Variants in FAT3 observed in about 807,000 individuals in gnomAD.
The protein encoded by FAT3 is FAT atypical cadherin 3, also known as protocadherin Fat 3.
FAT3 carries 95 observed loss-of-function variants against 310.2 expected under a neutral mutation model. That is an observed-to-expected ratio of 0.31 (90% CI 0.26 to 0.36). The LOEUF (loss-of-function observed/expected upper bound fraction) is 0.36, where lower values mean the gene tolerates loss of function less well. Among genes scored for constraint, FAT3 ranks in the 10% least tolerant of loss-of-function variants. The pLI is 1.00. For synonymous variants in FAT3, 2,314 were observed against 2,192.9 expected (o/e 1.06, Z -1.54); for missense variants, 5,408 against 5,715.6 (o/e 0.95, Z 1.74).
At chr11:92,290,412 C>G (rs935394933) in intron 1 of FAT3, among the ~76,000 whole-genome samples, 2 of 152,128 alleles carry the variant, frequency 1.3e-5, no homozygotes, top group Non-Finnish European at 2.9e-5. Context: ...TGCTTTCCAG[C>G]ACAATCTGCT....
At chr11:92,694,932 A>C (rs1316515848) in intron 3 of FAT3, among the ~76,000 whole-genome samples, 1 of 152,162 alleles carries the variant, frequency 6.6e-6, no homozygotes, top group Non-Finnish European at 1.5e-5. Flanking sequence ...TGTCCAATAG[A>C]ATGGCCCAAA....
intron 2 of FAT3, among the ~76,000 whole-genome samples, chr11:92,450,522 G>T (rs1476381052): frequency 1.3e-5 from 2 of 152,150 alleles, no homozygotes; most frequent in South Asian, 4.1e-4. Context: ...TTCCTACAAG[G>T]CCTTGGTTCC....
intron 3 of FAT3, among the ~76,000 whole-genome samples, chr11:92,613,269 T>G (rs1333677901): frequency 2.0e-5 from 3 of 152,210 alleles, no homozygotes; most frequent in Admixed American, 1.3e-4. Flanking sequence ...TTCCAGCCTC[T>G]TGCTTCTCCT....
chr11:92,876,416 A>G (rs1949536654), intron 22 of FAT3, among the ~76,000 whole-genome samples: 1 of 152,202 alleles, frequency 6.6e-6, no homozygotes, highest in Non-Finnish European at 1.5e-5. Flanking sequence ...CCCCAAGTCA[A>G]CATAACTTCA....
At chr11:92,663,178 G>A (rs1942843976) in intron 3 of FAT3, among the ~76,000 whole-genome samples, 1 of 152,190 alleles carries the variant, frequency 6.6e-6, no homozygotes, top group African/African-American at 2.4e-5. Flanking sequence ...TTCAGCACCT[G>A]GAGTGAGTCT....
intron 19 of FAT3, among the ~76,000 whole-genome samples, chr11:92,847,542 T>G (rs1395318045): frequency 6.6e-6 from 1 of 152,176 alleles, no homozygotes; most frequent in Non-Finnish European, 1.5e-5. Context: ...CACAATACAA[T>G]CCCAGTAAGG....
rs1231303065 is a variant in FAT3 at position 92,896,329 on chromosome 11, A to AG, written c.*5216_*5217insG. 6.6e-6 allele frequency: 1 copy of AG among 151,896 alleles called. No homozygotes were observed. The highest frequency in any genetic ancestry group is 1.9e-4 in the East Asian group (1 of 5,202). The allele number at this position is 151,896 out of a possible 1,614,324, so 9.4% of individuals were successfully genotyped here. The stretch of plus-strand genomic sequence containing the variant: ...CTAAAAAAAAAGAAAAGAAAAGAAA[A>AG]AAAAAACAAAAGCAAACAAAAAAAA... On this transcript the variant is annotated 3_prime_UTR_variant, in exon 28 of 28. Transcript: ENST00000525166.
At chr11:92,271,643 A>G (rs1946125173) in intron 1 of FAT3, among the ~76,000 whole-genome samples, 1 of 152,134 alleles carries the variant, frequency 6.6e-6, no homozygotes, top group Admixed American at 6.6e-5. Flanking sequence ...TTGTTGCAAT[A>G]AATACTGATT....
chr11:92,430,744 A>G (rs1950747956), intron 2 of FAT3, among the ~76,000 whole-genome samples: 1 of 137,446 alleles, frequency 7.3e-6, no homozygotes, highest in African/African-American at 2.5e-5. Flanking sequence ...CCCACCTATG[A>G]GTGAGAACAT....
chr11:92,741,825 C>A (rs1375801979), intron 4 of FAT3, among the ~76,000 whole-genome samples: 1 of 152,142 alleles, frequency 6.6e-6, no homozygotes, highest in Non-Finnish European at 1.5e-5. Context: ...TACAAGAGTA[C>A]ACAGGGTTTT....
chr11:92,424,449 CT>C (rs1207127700), intron 2 of FAT3, among the ~76,000 whole-genome samples: 1 of 152,072 alleles, frequency 6.6e-6, no homozygotes, highest in Non-Finnish European at 1.5e-5. Context: ...TTTATAATTA[CT>C]CAACAACTTG....
Position 92,649,871 on chromosome 11 carries a change from GTTCATATATATATATATA to G in FAT3, c.3608-47511_3608-47494del, listed in dbSNP as rs1437391027. On this transcript the variant is annotated intron_variant, in intron 3 of 27. Transcript: ENST00000525166. ...CATTTGTTAAACACCCACTTTGTAT[GTTCATATATATATATATA>G]TATATATATATATATATATATATAT... 6.9e-4 allele frequency among the ~76,000 whole-genome samples: 79 copies of G among 114,094 alleles called. 1 individual carries two copies. The highest frequency in any genetic ancestry group is 2.4e-3 in the African/African-American group (73 of 29,814). The allele number at this position is 114,094 out of a possible 152,430, so 74.9% of individuals were successfully genotyped here.
chr11:92,852,200 G>A (rs1283080171), intron 19 of FAT3, among the ~76,000 whole-genome samples: 1 of 152,158 alleles, frequency 6.6e-6, no homozygotes, highest in Non-Finnish European at 1.5e-5. Flanking sequence ...TTTCATAAAG[G>A]ACTTAATTTT....
chr11:92,605,879 C>T (rs1940266313), intron 3 of FAT3, among the ~76,000 whole-genome samples: 1 of 151,876 alleles, frequency 6.6e-6, no homozygotes. Flanking sequence ...CTGGCGAGGG[C>T]CCCTTTGCCA....
chr11:92,509,436 A>T (rs1388245987), intron 2 of FAT3, among the ~76,000 whole-genome samples: 2 of 152,198 alleles, frequency 1.3e-5, no homozygotes, highest in African/African-American at 2.4e-5. Context: ...GAAAAATTTT[A>T]AAATGACCTA....
intron 3 of FAT3, among the ~76,000 whole-genome samples, chr11:92,651,250 G>C (rs886586620): frequency 1.3e-5 from 2 of 152,214 alleles, no homozygotes; most frequent in Non-Finnish European, 2.9e-5. Context: ...CAGGCAGTTT[G>C]TGGTTTAGTG....
intron 1 of FAT3, among the ~76,000 whole-genome samples, chr11:92,284,688 AC>A (rs1946515820): frequency 6.6e-6 from 1 of 152,108 alleles, no homozygotes; most frequent in African/African-American, 2.4e-5. Flanking sequence ...GAGGTTGAGT[AC>A]TAAGAAGACT....
At chr11:92,672,297 C>G (rs988120487) in intron 3 of FAT3, among the ~76,000 whole-genome samples, 26 of 152,114 alleles carry the variant, frequency 1.7e-4, no homozygotes, top group African/African-American at 5.1e-4. Flanking sequence ...TTTGAAAGAC[C>G]CTTTTAGAGT....
At chr11:92,506,708 T>C (rs1953111087) in intron 2 of FAT3, among the ~76,000 whole-genome samples, 1 of 152,162 alleles carries the variant, frequency 6.6e-6, no homozygotes, top group Non-Finnish European at 1.5e-5. Flanking sequence ...TAAATGTTCT[T>C]ACAAAGGGGA....
Sources: gnomAD v4.1 joint callset for allele counts (sites outside exome capture counted in the v4.1 genomes callset) on GRCh38, gnomAD v4.1.1 for gene constraint, MANE v1.5 for transcripts, NCBI Gene and HGNC (gene_info 2026-07-23, HGNC 2026-07-21) for gene names.